Variants in ULK4 observed in about 807,000 individuals in gnomAD.
The protein encoded by ULK4 is unc-51 like kinase 4, also known as inactive serine/threonine-protein kinase ULK4.
In ULK4, 133 loss-of-function variants were observed where a neutral mutation model predicts 160.6. The observed-to-expected ratio is 0.83, with a 90% confidence interval of 0.72 to 0.96. The LOEUF (loss-of-function observed/expected upper bound fraction) is 0.96, where lower values mean the gene tolerates loss of function less well. ULK4 is among the 40% of genes least tolerant of loss of function. ULK4 has a pLI of 0.00. For synonymous variants in ULK4, 534 were observed against 539.8 expected (o/e 0.99, Z 0.15); for missense variants, 1,580 against 1,499.5 (o/e 1.05, Z -0.89).
chr3:41,356,365 G>C (rs6781194), intron 35 of ULK4, among the ~76,000 whole-genome samples: 7,450 of 152,206 alleles, frequency 0.049, 435 homozygotes, highest in East Asian at 0.21. Context: ...ATCTCTTGCC[G>C]TTTATCTTGA....
chr3:41,308,225 C>T (rs1276125356), intron 35 of ULK4, among the ~76,000 whole-genome samples: 1 of 152,010 alleles, frequency 6.6e-6, no homozygotes, highest in Admixed American at 6.6e-5. Flanking sequence ...TGTGCATGCA[C>T]ATGTACACAC....
intron 21 of ULK4, among the ~76,000 whole-genome samples, chr3:41,786,514 C>T (rs2040000984): frequency 6.6e-6 from 1 of 150,456 alleles, no homozygotes; most frequent in Non-Finnish European, 1.5e-5. Context: ...AGGTGGTCAC[C>T]TGAGCCCAGA....
intron 35 of ULK4, among the ~76,000 whole-genome samples, chr3:41,375,509 G>A (rs576907597): frequency 6.7e-6 from 1 of 150,052 alleles, no homozygotes; most frequent in African/African-American, 2.5e-5. Flanking sequence ...TGACAAACCT[G>A]ACAAAAACAA....
At chr3:41,773,348 A>C (rs1450069262) in intron 21 of ULK4, among the ~76,000 whole-genome samples, 1 of 152,214 alleles carries the variant, frequency 6.6e-6, no homozygotes, top group Non-Finnish European at 1.5e-5. Flanking sequence ...AAATATCCTT[A>C]AGCTGATAAG....
At chr3:41,351,788 C>A (rs760014347) in intron 35 of ULK4, among the ~76,000 whole-genome samples, 14 of 152,144 alleles carry the variant, frequency 9.2e-5, no homozygotes, top group Non-Finnish European at 1.9e-4. Context: ...TCTTCTGTGT[C>A]CAGCATCAGA....
At chr3:41,483,062 T>C (rs9849200) in intron 32 of ULK4, among the ~76,000 whole-genome samples, 52,535 of 151,934 alleles carry the variant, frequency 0.35, 9,438 homozygotes, top group African/African-American at 0.41. Context: ...ATTTAATTAG[T>C]ACTGACTATA....
chr3:41,296,610 G>C (rs962506441), intron 35 of ULK4, among the ~76,000 whole-genome samples: 1 of 152,120 alleles, frequency 6.6e-6, no homozygotes, highest in African/African-American at 2.4e-5. Context: ...TTTGGTGGGA[G>C]GTGACATTTA....
intron 35 of ULK4, among the ~76,000 whole-genome samples, chr3:41,290,169 C>T (rs1257602766): frequency 6.6e-6 from 1 of 152,092 alleles, no homozygotes; most frequent in Non-Finnish European, 1.5e-5. Context: ...GCCACCATGC[C>T]CAGCCCAACT....
chr3:41,450,476 A>G (rs937779068), intron 34 of ULK4, among the ~76,000 whole-genome samples: 1 of 152,200 alleles, frequency 6.6e-6, no homozygotes, highest in African/African-American at 2.4e-5. Context: ...TAGGTCATAA[A>G]TTATAGGTTG....
At chr3:41,804,096 C>A (rs1185563191) in intron 19 of ULK4, among the ~76,000 whole-genome samples, 1 of 151,748 alleles carries the variant, frequency 6.6e-6, no homozygotes, top group Non-Finnish European at 1.5e-5. Flanking sequence ...GTTTACAGTC[C>A]CACCAACACT....
intron 31 of ULK4, among the ~76,000 whole-genome samples, chr3:41,582,695 C>T (rs2030472336): frequency 6.6e-6 from 1 of 152,192 alleles, no homozygotes; most frequent in African/African-American, 2.4e-5. Flanking sequence ...AAGGCCAGCA[C>T]CCTCTCCCTA....
intron 32 of ULK4, among the ~76,000 whole-genome samples, chr3:41,544,930 CG>C (rs2086808575): frequency 6.6e-6 from 1 of 152,152 alleles, no homozygotes; most frequent in Admixed American, 6.5e-5. Context: ...AAAGAGAGGA[CG>C]GGGTCAGACT....
chr3:41,842,104 C>T (rs146460790), intron 17 of ULK4, among the ~76,000 whole-genome samples: 2 of 150,686 alleles, frequency 1.3e-5, no homozygotes, highest in South Asian at 4.2e-4. Flanking sequence ...GCCACATCCC[C>T]CTCTCTGAGA....
chr3:41,545,030 T>C (rs1335552315), intron 32 of ULK4, among the ~76,000 whole-genome samples: 4 of 152,228 alleles, frequency 2.6e-5, no homozygotes, highest in African/African-American at 9.6e-5. Context: ...AAGCCTGTGG[T>C]AACTTGGTAA....
At chr3:41,852,981 C>T (rs761950435) in intron 17 of ULK4, among the ~76,000 whole-genome samples, 2 of 152,170 alleles carry the variant, frequency 1.3e-5, no homozygotes, top group Non-Finnish European at 2.9e-5. Context: ...AGCTCACATT[C>T]ACAATGACTC....
chr3:41,306,200 A>AGCCG (rs1227535692), intron 35 of ULK4, among the ~76,000 whole-genome samples: 1,759 of 35,526 alleles, frequency 0.05, 172 homozygotes, highest in African/African-American at 0.16. Flanking sequence ...TCAGCCCCCC[A>AGCCG]CCCCGCCCGG....
intron 35 of ULK4, among the ~76,000 whole-genome samples, chr3:41,329,589 A>C: frequency 7.0e-6 from 1 of 142,522 alleles, no homozygotes; most frequent in East Asian, 2.0e-4. Flanking sequence ...AAAAAATTGA[A>C]TCTCACCATA....
intron 31 of ULK4, among the ~76,000 whole-genome samples, chr3:41,566,548 A>G (rs981649317): frequency 6.6e-6 from 1 of 152,214 alleles, no homozygotes; most frequent in East Asian, 1.9e-4. Flanking sequence ...TTCCCACTTT[A>G]GTACATTTGA....
chr3:41,625,650 A>G (rs2033470768), intron 30 of ULK4, among the ~76,000 whole-genome samples: 2 of 152,192 alleles, frequency 1.3e-5, no homozygotes, highest in African/African-American at 4.8e-5. Context: ...CTTACAAAAT[A>G]ATGACGCAAA....
Sources: gnomAD v4.1 joint callset for allele counts (sites outside exome capture counted in the v4.1 genomes callset) on GRCh38, gnomAD v4.1.1 for gene constraint, MANE v1.5 for transcripts, NCBI Gene and HGNC (gene_info 2026-07-23, HGNC 2026-07-21) for gene names.